Variants in CSDE1 observed in about 807,000 individuals in gnomAD.
CSDE1 encodes cold shock domain-containing protein E1.
Under a neutral mutation model 89.3 loss-of-function variants are expected in CSDE1, and 17 were observed. That is an observed-to-expected ratio of 0.19 (90% confidence interval 0.13 to 0.29). CSDE1 has a LOEUF of 0.29. CSDE1 is among the 10% of genes least tolerant of loss of function. The probability of loss-of-function intolerance (pLI) is 1.00; values close to 1 mark genes in which losing one functional copy is unlikely to be tolerated. For missense variants in CSDE1, 672 were observed against 984.2 expected (o/e 0.68, Z 4.24); for synonymous variants, 322 against 332.8 (o/e 0.97, Z 0.35).
rs1230644963 is a variant in CSDE1 at position 114,724,013 on chromosome 1, A to G, written c.1754-11T>C. ...CAGTAATGCCATTCACTACAAAACAAAGGCAGGTACATCTTTCAATTTTAT... is the reference window on the plus strand; with the variant it reads ...CAGTAATGCCATTCACTACAAAACAGAGGCAGGTACATCTTTCAATTTTAT... On this transcript the variant is annotated splice_polypyrimidine_tract_variant and intron_variant, in intron 15 of 19. Coordinates refer to ENST00000358528, the MANE Select transcript of CSDE1 (RefSeq NM_001007553.3). 2 of 1,609,296 alleles carry G rather than the reference A, an allele frequency of 1.2e-6. No homozygotes were observed. The highest frequency in any genetic ancestry group is 1.7e-6 in the Non-Finnish European group (2 of 1,177,826).
In CSDE1 at chr1:114,719,589, A is replaced by G. The variant is rs368147083; in HGVS notation, c.2206T>C (p.Trp736Arg). 3.2e-5 allele frequency: 52 copies of G among 1,612,448 alleles called. No individual in the cohort carries two copies. Among genetic ancestry groups the G allele is most frequent in the Non-Finnish European group, 4.2e-5 (49 of 1,179,496 alleles). Residue 736 changes from tryptophan to arginine, a missense_variant, in exon 18 of 20, where the codon TGG becomes CGG. By Grantham distance (101) the Trp-to-Arg change is moderately radical (BLOSUM62 -3). Coordinates refer to ENST00000358528, the MANE Select transcript of CSDE1 (RefSeq NM_001007553.3). Reference protein sequence around the residue: ...RTGKCSACNVWRVCEGPKAVA... With the variant: ...RTGKCSACNVRRVCEGPKAVA... Reference sequence around the variant, plus strand: ...AACAACAAAACTCACCAGACTCGCCAAACATTACAGGCGCTGCACTTGCCA... The same window carrying G: ...AACAACAAAACTCACCAGACTCGCCGAACATTACAGGCGCTGCACTTGCCA...
intron 10 of CSDE1, among the ~76,000 whole-genome samples, chr1:114,732,106 G>A (rs1366674379): frequency 1.3e-5 from 2 of 152,016 alleles, no homozygotes; most frequent in Non-Finnish European, 2.9e-5. Flanking sequence ...GAGCCACCGT[G>A]CCTATGATTT....
intron 2 of CSDE1, among the ~76,000 whole-genome samples, chr1:114,744,637 A>G: frequency 6.6e-6 from 1 of 152,066 alleles, no homozygotes; most frequent in Non-Finnish European, 1.5e-5. Context: ...ACACACCCCC[A>G]TGGATGAGTA....
At chr1:114,734,318 G>A in intron 7 of CSDE1, 124 bp downstream of exon 7, 1 of 1,063,266 alleles carries the variant, frequency 9.4e-7, no homozygotes, top group Non-Finnish European at 1.4e-6. Context: ...CTACTTTTGA[G>A]GTTAACAGTG....
chr1:114,726,007 G>A lies in CSDE1; in HGVS notation c.1640+204C>T, dbSNP rs535831692. ...TGGTACCAACACAAAAAATAAGGTG[G>A]CACAGGCCTTTCTATTTCTTTTGGC... On this transcript the variant is annotated intron_variant, in intron 14 of 19. Coordinates refer to ENST00000358528, the MANE Select transcript of CSDE1 (RefSeq NM_001007553.3). Among the ~76,000 whole-genome samples the A allele has an allele frequency of 2.6e-5, 4 of 152,290 alleles. No individual in the cohort carries two copies. The South Asian group carries it at 8.3e-4, about 32-fold the overall frequency.
chr1:114,741,771 ATAAAT>A (rs1660739791), intron 2 of CSDE1: 1 of 847,644 alleles, frequency 1.2e-6, no homozygotes, highest in Non-Finnish European at 1.7e-6. Flanking sequence ...TTAGCGAAAT[ATAAAT>A]TAGATTTCTA....
chr1:114,719,096 G>C (rs1178550709), intron 18 of CSDE1, among the ~76,000 whole-genome samples: 1 of 152,154 alleles, frequency 6.6e-6, no homozygotes, highest in Non-Finnish European at 1.5e-5. Flanking sequence ...AGGAACACTT[G>C]AGCCCAGAAG....
At chr1:114,721,711 C>A (rs1431062361) in intron 16 of CSDE1, among the ~76,000 whole-genome samples, 2 of 151,834 alleles carry the variant, frequency 1.3e-5, no homozygotes, top group African/African-American at 4.8e-5. Context: ...CACCTCAGCT[C>A]CTGAGTCGCT....
At position 114,718,223 on chromosome 1, in the gene CSDE1, G is replaced by T. The variant is rs760562179; in HGVS notation, c.2350-7C>A. ...TTCTTTCTGCACCAAACCCCTGTGGGGGGGAGAAAAAAAAAACCCTGCAGT... is the reference window on the plus strand; with the variant it reads ...TTCTTTCTGCACCAAACCCCTGTGGTGGGGAGAAAAAAAAAACCCTGCAGT... On this transcript the variant is annotated splice_region_variant and splice_polypyrimidine_tract_variant and intron_variant, in intron 19 of 19. Transcript: ENST00000358528. The T allele has an allele frequency of 6.2e-7, 1 of 1,611,520 alleles. No homozygotes were observed. The highest frequency in any genetic ancestry group is 1.7e-5 in the Admixed American group (1 of 59,572).
At chr1:114,742,178 G>C (rs575329189) in intron 2 of CSDE1, among the ~76,000 whole-genome samples, 1 of 152,228 alleles carries the variant, frequency 6.6e-6, no homozygotes, top group East Asian at 1.9e-4. Context: ...AAAGAGTGGA[G>C]AACTCCAAAA....
At chr1:114,731,325 T>G (rs890513359) in intron 10 of CSDE1, among the ~76,000 whole-genome samples, 2 of 151,354 alleles carry the variant, frequency 1.3e-5, no homozygotes, top group African/African-American at 4.9e-5. Flanking sequence ...CCTTGCCAAG[T>G]CCTGACAGTA....
intron 7 of CSDE1, 63 bp downstream of exon 7, chr1:114,734,379 A>C: frequency 7.3e-7 from 1 of 1,369,746 alleles, no homozygotes; most frequent in Non-Finnish European, 1.0e-6. Flanking sequence ...CAAAGGCTGG[A>C]GTTTGAAGTA....
At chr1:114,729,241 G>C (rs1198065850) in intron 12 of CSDE1, among the ~76,000 whole-genome samples, 1 of 151,952 alleles carries the variant, frequency 6.6e-6, no homozygotes. Context: ...TGGGATTACA[G>C]GTGCCCACTA....
At chr1:114,723,749 TGA>T (rs1310856186) in intron 16 of CSDE1, 132 bp downstream of exon 16, 7 of 1,235,244 alleles carry the variant, frequency 5.7e-6, no homozygotes, top group African/African-American at 3.0e-5. Context: ...AAAGCAAGCA[TGA>T]GAGAGGTCAC....
In CSDE1 at chr1:114,723,877, C is replaced by CCTTA; in HGVS notation, c.1873+2_1873+5dup. The CCTTA allele has an allele frequency of 1.2e-6, 2 of 1,613,812 alleles. No individual in the cohort carries two copies. Among genetic ancestry groups the CCTTA allele is most frequent in the Non-Finnish European group, 1.7e-6 (2 of 1,179,806 alleles). On this transcript the variant is annotated splice_donor_region_variant and intron_variant, in intron 16 of 19. Coordinates refer to ENST00000358528, the MANE Select transcript of CSDE1 (RefSeq NM_001007553.3). The stretch of plus-strand genomic sequence containing the variant: ...TTTCAAACAGCCTGATAGTGATGAT[C>CCTTA]CTTACCCTCCTCCACAATCTCAATC...
chr1:114,753,095 T>G (rs2101093378), intron 1 of CSDE1, among the ~76,000 whole-genome samples: 2 of 152,338 alleles, frequency 1.3e-5, no homozygotes, highest in South Asian at 4.1e-4. Context: ...TAATCTCTTC[T>G]TTAAAAAATA....
rs1660502311 is a variant in CSDE1 at position 114,738,043 on chromosome 1, G to A, written c.229C>T (p.Arg77Ter). Reference sequence around the variant, plus strand: ...ACAGCAATGGGTTTCCCAGTCCGTCGGTCCGATGATACTTCAAATTCAACA... The same window carrying A: ...ACAGCAATGGGTTTCCCAGTCCGTCAGTCCGATGATACTTCAAATTCAACA... ...DDVEFEVSSD[R>*]RTGKPIAVKL... The change falls in exon 4 of 20, where the codon CGA becomes TGA. Residue 77 changes from arginine (R) to a stop codon, truncating the protein, a stop_gained. Transcript: ENST00000358528. LOFTEE classifies it high-confidence loss of function. 6.2e-7 allele frequency: 1 copy of A among 1,613,572 alleles called. No homozygotes were observed. Among genetic ancestry groups the A allele is most frequent in the African/African-American group, 1.3e-5 (1 of 74,960 alleles).
chr1:114,754,137 T>TACCACCAGGCCTGG (rs1661461945), intron 1 of CSDE1, among the ~76,000 whole-genome samples: 1 of 152,142 alleles, frequency 6.6e-6, no homozygotes, highest in African/African-American at 2.4e-5. Flanking sequence ...TACAGGCGTG[T>TACCACCAGGCCTGG]ACCACCAGGC....
chr1:114,738,284 A>G (rs1660518170), intron 3 of CSDE1, among the ~76,000 whole-genome samples: 1 of 152,178 alleles, frequency 6.6e-6, no homozygotes, highest in South Asian at 2.1e-4. Flanking sequence ...CTGGGGATCA[A>G]GTATAGCAAT....
Sources: gnomAD v4.1 joint callset for allele counts (sites outside exome capture counted in the v4.1 genomes callset) on GRCh38, gnomAD v4.1.1 for gene constraint, MANE v1.5 for transcripts, NCBI Gene and HGNC (gene_info 2026-07-23, HGNC 2026-07-21) for gene names.